Variants in KCNH5 observed in about 807,000 individuals in gnomAD.
The protein encoded by KCNH5 is potassium voltage-gated channel subfamily H member 5.
A neutral mutation model predicts 96.1 loss-of-function variants in KCNH5; 46 were observed. That is an observed-to-expected ratio of 0.48 (90% CI 0.38 to 0.61). The LOEUF is 0.61. Ranked by LOEUF, KCNH5 falls within the 20% of genes least tolerant of loss-of-function variation. KCNH5 has a pLI of 0.00. For missense variants in KCNH5, 907 were observed against 1,225.8 expected, an observed-to-expected ratio of 0.74 and a Z score of 3.88; for synonymous variants, 439 against 449.8, an observed-to-expected ratio of 0.98 and a Z score of 0.30.
At chr14:62,958,754 C>A (rs966204950) in intron 6 of KCNH5, among the ~76,000 whole-genome samples, 4 of 152,132 alleles carry the variant, frequency 2.6e-5, no homozygotes, top group Non-Finnish European at 5.9e-5. Context: ...TTCTTCACAA[C>A]TGTATTATGA....
At chr14:62,939,142 G>C (rs1234312981) in intron 7 of KCNH5, among the ~76,000 whole-genome samples, 1 of 151,916 alleles carries the variant, frequency 6.6e-6, no homozygotes. Flanking sequence ...ACCTCCTAAG[G>C]CCTCCCAGAT....
At chr14:62,730,077 A>G (rs954889878) in intron 10 of KCNH5, among the ~76,000 whole-genome samples, 3 of 152,330 alleles carry the variant, frequency 2.0e-5, no homozygotes, top group African/African-American at 7.2e-5. Context: ...TTTCAGTTTG[A>G]CTTAGTCTTA....
At chr14:62,824,831 C>A (rs1288349033) in intron 8 of KCNH5, among the ~76,000 whole-genome samples, 2 of 151,868 alleles carry the variant, frequency 1.3e-5, no homozygotes, top group Non-Finnish European at 2.9e-5. Flanking sequence ...CCATGAGTAC[C>A]CAATCTTTTG....
chr14:63,010,360 G>A (rs1290333807), intron 2 of KCNH5, among the ~76,000 whole-genome samples: 1 of 152,164 alleles, frequency 6.6e-6, no homozygotes, highest in Non-Finnish European at 1.5e-5. Context: ...ATGTACGGAT[G>A]GGACTAGAAT....
chr14:62,989,830 G>C (rs1890776961), intron 4 of KCNH5, among the ~76,000 whole-genome samples: 1 of 151,982 alleles, frequency 6.6e-6, no homozygotes, highest in Non-Finnish European at 1.5e-5. Context: ...TATTATCATT[G>C]GTTTTTGGTT....
intron 8 of KCNH5, among the ~76,000 whole-genome samples, chr14:62,810,539 T>A (rs1886852251): frequency 6.6e-6 from 1 of 152,052 alleles, no homozygotes; most frequent in Admixed American, 6.6e-5. Flanking sequence ...ACCTTTCTGA[T>A]AAAATAGCTT....
rs1392520855 is a variant in KCNH5, at chr14:62,863,131, T to C, written c.1370-13279A>G. Among the ~76,000 whole-genome samples the C allele has an allele frequency of 2.0e-5, 3 of 152,218 alleles. No homozygotes were observed. In the East Asian group the frequency reaches 5.8e-4, roughly 29 times the overall value. On this transcript the variant is annotated intron_variant, in intron 7 of 10. Coordinates refer to ENST00000322893, the MANE Select transcript of KCNH5 (RefSeq NM_139318.5). ...AATATTAATCATTCATCTTGCTTTA[T>C]AGTCTTTAACGTGTGTTGACATATC... is the stretch of plus-strand genomic sequence containing the variant.
At chr14:62,943,261 T>G (rs1034697513) in intron 7 of KCNH5, among the ~76,000 whole-genome samples, 3 of 152,186 alleles carry the variant, frequency 2.0e-5, no homozygotes, top group African/African-American at 7.2e-5. Context: ...ACTAAGTAAC[T>G]GCTTTCTTGA....
At chr14:62,965,991 T>C (rs901846679) in intron 6 of KCNH5, among the ~76,000 whole-genome samples, 11 of 152,170 alleles carry the variant, frequency 7.2e-5, no homozygotes, top group African/African-American at 2.7e-4. Flanking sequence ...TTGCACTGGT[T>C]TCCATGATAT....
intron 8 of KCNH5, among the ~76,000 whole-genome samples, chr14:62,821,997 C>T (rs989588429): frequency 2.6e-5 from 4 of 151,866 alleles, no homozygotes; most frequent in African/African-American, 9.7e-5. Context: ...CATGTGGAAA[C>T]CAAAGTTAAA....
chr14:62,924,101 A>G (rs1187801357), intron 7 of KCNH5, among the ~76,000 whole-genome samples: 2 of 152,064 alleles, frequency 1.3e-5, no homozygotes, highest in Non-Finnish European at 2.9e-5. Context: ...AAAATATATA[A>G]GGAACCCATA....
chr14:62,837,802 T>C (rs749173427), intron 8 of KCNH5, among the ~76,000 whole-genome samples: 1 of 152,196 alleles, frequency 6.6e-6, no homozygotes. Context: ...ATTTTACTAC[T>C]TTACCAGGCA....
At chr14:62,981,308 G>A (rs1175785859) in intron 5 of KCNH5, 44 bp from the exon 6 acceptor site, 1 of 1,571,130 alleles carries the variant, frequency 6.4e-7, no homozygotes, top group South Asian at 1.1e-5. Flanking sequence ...GGTTATCTCT[G>A]CACAGTCAGT....
chr14:62,827,206 T>C (rs1887244464), intron 8 of KCNH5, among the ~76,000 whole-genome samples: 1 of 152,176 alleles, frequency 6.6e-6, no homozygotes, highest in Non-Finnish European at 1.5e-5. Flanking sequence ...TGCAAACAAA[T>C]ATATTCAGTG....
intron 7 of KCNH5, among the ~76,000 whole-genome samples, chr14:62,917,412 T>G (rs778624478): frequency 6.6e-6 from 1 of 150,932 alleles, no homozygotes; most frequent in African/African-American, 2.4e-5. Flanking sequence ...ATATCCTGCA[T>G]CCACACAAAT....
chr14:63,039,814 C>T (rs1462290652), intron 1 of KCNH5, among the ~76,000 whole-genome samples: 1 of 151,588 alleles, frequency 6.6e-6, no homozygotes, highest in Non-Finnish European at 1.5e-5. Flanking sequence ...GCATGTCTTA[C>T]ATTTTAGATA....
chr14:63,024,917 A>G (rs1182467034), intron 1 of KCNH5, among the ~76,000 whole-genome samples: 1 of 152,148 alleles, frequency 6.6e-6, no homozygotes, highest in Non-Finnish European at 1.5e-5. Flanking sequence ...CTGATACCAG[A>G]CAAGGAAGCT....
chr14:62,799,284 A>T (rs148449909), intron 9 of KCNH5, among the ~76,000 whole-genome samples: 9 of 152,246 alleles, frequency 5.9e-5, no homozygotes, highest in South Asian at 2.1e-4. Context: ...AAGGATTTAA[A>T]AAATACATAA....
At chr14:62,839,754 A>G (rs146843497) in intron 8 of KCNH5, among the ~76,000 whole-genome samples, 227 of 152,158 alleles carry the variant, frequency 1.5e-3, no homozygotes, top group Admixed American at 0.014. Context: ...AGGTATTTGA[A>G]TTCCCTCCTT....
Sources: allele counts gnomAD v4.1 joint callset (sites outside exome capture counted in the v4.1 genomes callset), GRCh38; gene constraint gnomAD v4.1.1; transcripts MANE v1.5; gene names NCBI Gene and HGNC (gene_info 2026-07-23, HGNC 2026-07-21).